Variants in GPAM observed in about 807,000 individuals in gnomAD.
GPAM encodes glycerol-3-phosphate acyltransferase, mitochondrial.
GPAM carries 56 observed loss-of-function variants against 105.0 expected under a neutral mutation model. The observed-to-expected ratio is 0.53, with a 90% confidence interval of 0.43 to 0.67. The LOEUF (loss-of-function observed/expected upper bound fraction) is 0.67. GPAM is among the 30% of genes least tolerant of loss of function. The probability of loss-of-function intolerance (pLI) is 0.00; values close to 1 mark genes in which losing one functional copy is unlikely to be tolerated. For missense variants in GPAM, 855 were observed against 989.8 expected, an observed-to-expected ratio of 0.86 and a Z score of 1.83; for synonymous variants, 368 against 354.4, an observed-to-expected ratio of 1.04 and a Z score of -0.43.
intron 1 of GPAM, among the ~76,000 whole-genome samples, chr10:112,200,323 T>G (rs1055944017): frequency 8.6e-5 from 13 of 151,558 alleles, no homozygotes; most frequent in Non-Finnish European, 1.5e-5. Context: ...AGAGTCTCAC[T>G]GTTGCCGAGA....
chr10:112,181,633 G>T, intron 3 of GPAM, 50 bp downstream of exon 3: 1 of 992,216 alleles, frequency 1.0e-6, no homozygotes, highest in Non-Finnish European at 1.6e-6. Flanking sequence ...AAACATCATT[G>T]AAATGAACAT....
chr10:112,172,961 A>C lies in GPAM; in HGVS notation c.657+9T>G, dbSNP rs771245396. 1 of 1,445,006 alleles carries C rather than the reference A, an allele frequency of 6.9e-7. No individual in the cohort carries two copies. Among genetic ancestry groups the C allele is most frequent in the Admixed American group, 1.7e-5 (1 of 59,816 alleles). 89.5% of individuals were successfully genotyped at this position (1,445,006 alleles called of 1,614,324 possible). A position where few individuals can be genotyped will look rare whatever the true frequency, so the allele number is the denominator to read the frequency against. On this transcript the variant is annotated intron_variant, in intron 8 of 21. Coordinates refer to ENST00000348367, the MANE Select transcript of GPAM (RefSeq NM_001244949.2). ...GAAAATGGGGTAATAGATTCACAGA[A>C]ATTCTTGCCTCAGTTGCAGCTTTAA...
chr10:112,160,029 T>C lies in GPAM; in HGVS notation c.1784A>G (p.Asn595Ser), dbSNP rs1847094495. 1 of 1,614,068 alleles carries C rather than the reference T, an allele frequency of 6.2e-7. No individual in the cohort carries two copies. Among genetic ancestry groups the C allele is most frequent in the African/African-American group, 1.3e-5 (1 of 75,040 alleles). ...AGTGGGACCCCCCAGTCCCCTCTTG[T>C]TCAGAACTGCATAAAGGCTGCAAGC... ...IIACSLYAVL[N>S]KRGLGGPTST... Residue 595 changes from asparagine (N) to serine (S), a missense_variant, in exon 17 of 22, where the codon AAC becomes AGC. By Grantham distance (46) the Asn-to-Ser change is conservative (BLOSUM62 1). Transcript: ENST00000348367.
upstream of GPAM, among the ~76,000 whole-genome samples, chr10:112,186,207 G>A (rs1035532570): frequency 4.6e-5 from 7 of 151,978 alleles, no homozygotes; most frequent in Non-Finnish European, 1.5e-5. Flanking sequence ...TCAGAAAAAT[G>A]CAAACCAGAA....
chr10:112,161,887 TATA>T, intron 14 of GPAM, 150 bp from the exon 15 acceptor site: 3 of 707,192 alleles, frequency 4.2e-6, no homozygotes, highest in Non-Finnish European at 5.2e-6. Context: ...AAAAGGAAGT[TATA>T]ATACTACAGT....
At chr10:112,162,760 C>T (rs1029821863) in intron 14 of GPAM, among the ~76,000 whole-genome samples, 11 of 152,148 alleles carry the variant, frequency 7.2e-5, no homozygotes, top group African/African-American at 2.4e-4. Context: ...AGAGACTACA[C>T]AGCAACACCA....
At chr10:112,220,055 A>G (rs781697265), upstream of GPAM, among the ~76,000 whole-genome samples, 2 of 152,200 alleles carry the variant, frequency 1.3e-5, no homozygotes, top group African/African-American at 2.4e-5. Context: ...AGAACCTAAG[A>G]TAAGCCTTTT....
chr10:112,200,244 T>TAG (rs59715102), intron 1 of GPAM, among the ~76,000 whole-genome samples: 4,975 of 123,440 alleles, frequency 0.04, 155 homozygotes, highest in South Asian at 0.071. Context: ...TATATATATA[T>TAG]AGAGAGAGAG....
At position 112,152,736 on chromosome 10, in the gene GPAM, C is replaced by T; in HGVS notation, c.*814G>A. ...GGGTGGACGAGGTACAGACATAAAACAGGAAGGGTTCTAAATATATTTGCT... is the reference window on the plus strand; with the variant it reads ...GGGTGGACGAGGTACAGACATAAAATAGGAAGGGTTCTAAATATATTTGCT... On this transcript the variant is annotated 3_prime_UTR_variant, in exon 22 of 22. Coordinates refer to ENST00000348367, the MANE Select transcript of GPAM (RefSeq NM_001244949.2). 2 of 967,488 alleles carry T rather than the reference C, an allele frequency of 2.1e-6. No homozygotes were observed. The highest frequency in any genetic ancestry group is 4.8e-5 in the South Asian group (1 of 20,942). 59.9% of individuals were successfully genotyped at this position (967,488 alleles called of 1,614,324 possible).
chr10:112,225,019 A>T, the GPAM span, among the ~76,000 whole-genome samples: 1 of 152,160 alleles, frequency 6.6e-6, no homozygotes, highest in African/African-American at 2.4e-5. Flanking sequence ...TTTGAAGCAC[A>T]TGCCTTAGGA....
At chr10:112,200,329 C>T (rs895534279) in intron 1 of GPAM, among the ~76,000 whole-genome samples, 3 of 151,070 alleles carry the variant, frequency 2.0e-5, no homozygotes, top group Admixed American at 1.3e-4. Context: ...TCACTGTTGC[C>T]GAGATTGGAG....
At chr10:112,167,696 C>T (rs1346381153) in intron 11 of GPAM, among the ~76,000 whole-genome samples, 4 of 152,186 alleles carry the variant, frequency 2.6e-5, no homozygotes, top group African/African-American at 4.8e-5. Context: ...AATCATTACC[C>T]TTGCGGGGAT....
the GPAM span, among the ~76,000 whole-genome samples, chr10:112,225,274 G>A: frequency 3.3e-5 from 5 of 152,198 alleles, no homozygotes; most frequent in Non-Finnish European, 5.9e-5. Context: ...GCCCAGCACT[G>A]GATAAGCCCC....
At chr10:112,181,921 G>T in intron 2 of GPAM, 108 bp from the exon 3 acceptor site, 1 of 663,976 alleles carries the variant, frequency 1.5e-6, no homozygotes, top group East Asian at 2.8e-5. Flanking sequence ...GATATCACAT[G>T]AACTGACAGA....
At chr10:112,219,105 G>T (rs573235804), upstream of GPAM, among the ~76,000 whole-genome samples, 7 of 152,320 alleles carry the variant, frequency 4.6e-5, no homozygotes, top group Non-Finnish European at 8.8e-5. Context: ...TGGAGTCACT[G>T]GTTTGAATGC....
chr10:112,171,367 A>T (rs1023263133), intron 9 of GPAM, among the ~76,000 whole-genome samples: 19 of 151,974 alleles, frequency 1.3e-4, no homozygotes, highest in African/African-American at 4.6e-4. Context: ...TACAATTTAA[A>T]CCTCCATTAT....
intron 1 of GPAM, among the ~76,000 whole-genome samples, chr10:112,191,237 G>A (rs1564687289): frequency 6.6e-6 from 1 of 152,224 alleles, no homozygotes; most frequent in Non-Finnish European, 1.5e-5. Context: ...GGTTAGAGCA[G>A]CAGTCTCTCA....
At chr10:112,176,166 GTT>G (rs1232090604) in intron 5 of GPAM, among the ~76,000 whole-genome samples, 1 of 152,058 alleles carries the variant, frequency 6.6e-6, no homozygotes, top group African/African-American at 2.4e-5. Context: ...GTTTTTGTTT[GTT>G]TTTTCCTAAG....
At chr10:112,202,028 A>T (rs1384916744) in intron 1 of GPAM, among the ~76,000 whole-genome samples, 1 of 152,238 alleles carries the variant, frequency 6.6e-6, no homozygotes, top group Non-Finnish European at 1.5e-5. Context: ...CAGAGAGCTT[A>T]TGCAACTTTC....
Sources: allele counts gnomAD v4.1 joint callset (sites outside exome capture counted in the v4.1 genomes callset), GRCh38; gene constraint gnomAD v4.1.1; transcripts MANE v1.5; gene names NCBI Gene and HGNC (gene_info 2026-07-23, HGNC 2026-07-21).